Variants in RALGAPA1 observed in about 807,000 individuals in gnomAD.
RALGAPA1 encodes the protein ral GTPase-activating protein subunit alpha-1.
RALGAPA1 carries 52 observed loss-of-function variants against 269.6 expected under a neutral mutation model. The observed-to-expected ratio is 0.19, with a 90% CI of 0.15 to 0.24. RALGAPA1 has a LOEUF of 0.24. Ranked by LOEUF, RALGAPA1 falls within the 10% of genes least tolerant of loss-of-function variation. The probability of loss-of-function intolerance (pLI) is 1.00; values close to 1 mark genes in which losing one functional copy is unlikely to be tolerated. For synonymous variants in RALGAPA1, 817 were observed against 1,008.3 expected, an observed-to-expected ratio of 0.81 and a Z score of 3.60; for missense variants, 1,917 against 3,013.9, an observed-to-expected ratio of 0.64 and a Z score of 8.52.
intron 41 of RALGAPA1, among the ~76,000 whole-genome samples, chr14:35,540,365 T>C (rs954403529): frequency 1.3e-5 from 2 of 152,232 alleles, no homozygotes; most frequent in Non-Finnish European, 2.9e-5. Context: ...ACATAAACAA[T>C]GCTTTTGTTT....
intron 41 of RALGAPA1, among the ~76,000 whole-genome samples, chr14:35,543,698 A>G (rs1024636914): frequency 3.9e-5 from 6 of 152,230 alleles, no homozygotes; most frequent in African/African-American, 1.4e-4. Flanking sequence ...GCTGGAGTGC[A>G]GTGGCGCGAT....
In RALGAPA1 at chr14:35,563,020, C is replaced by CAAAAAAAAA. The variant is rs71445944; in HGVS notation, c.7496+7588_7496+7596dup. Among the ~76,000 whole-genome samples the CAAAAAAAAA allele has an allele frequency of 6.7e-4, 25 of 37,258 alleles. 1 individual carries two copies. Among genetic ancestry groups the CAAAAAAAAA allele is most frequent in the South Asian group, 2.5e-3 (1 of 400 alleles). 24.4% of individuals were successfully genotyped at this position (37,258 alleles called of 152,430 possible). On this transcript the variant is annotated intron_variant, in intron 39 of 41. Transcript: ENST00000680220. ...TGGGCAACAGAGCGAGAGTCCGTCTCAAAAAAAAAAAAAAAAAAAAAAAAA... is the reference window on the plus strand; with the variant it reads ...TGGGCAACAGAGCGAGAGTCCGTCTCAAAAAAAAAAAAAAAAAAAAAAAAAAAAAAAAAA...
In RALGAPA1 at chr14:35,760,987, C is replaced by T. The variant is rs776366011; in HGVS notation, c.389G>A (p.Arg130His). Residue 130 changes from arginine (R) to histidine (H), a missense_variant, in exon 6 of 42, where the codon CGT becomes CAT. Around this residue, in one of 11 missense-constraint regions of RALGAPA1, gnomAD observed 462 missense variants for 725.6 expected, o/e 0.64. Coordinates refer to ENST00000680220, the MANE Select transcript of RALGAPA1 (RefSeq NM_001346249.2). ...AGCTTGCAACCATAGTAAGAAAAGA[C>T]GAACACCTTCCCGCCTAATCTAAAA... ...NSLKIRREGV[R>H]LFLLWLQALQ... 6.2e-5 allele frequency: 99 copies of T among 1,597,358 alleles called. No individual in the cohort carries two copies. Among genetic ancestry groups the T allele is most frequent in the Non-Finnish European group, 7.8e-5 (91 of 1,171,190 alleles).
At position 35,750,568 on chromosome 14, in the gene RALGAPA1, G is replaced by C. The variant is rs1394298324; in HGVS notation, c.925C>G (p.Leu309Val). ...TTTGGCTCCAGCCAGAAAGAAACCA[G>C]CCAACGAATGACAATAACACGAGCC... ...IKARVIVIRW[L>V]VSFWLEPKPH... The change falls in exon 9 of 42, where the codon CTG becomes GTG. Residue 309 changes from leucine to valine, a missense_variant. Coordinates refer to ENST00000680220, the MANE Select transcript of RALGAPA1 (RefSeq NM_001346249.2). 6.2e-7 allele frequency: 1 copy of C among 1,613,028 alleles called. No homozygotes were observed.
intron 17 of RALGAPA1, among the ~76,000 whole-genome samples, chr14:35,697,293 C>T (rs1226976780): frequency 6.6e-6 from 1 of 152,094 alleles, no homozygotes; most frequent in African/African-American, 2.4e-5. Context: ...GTGTTCTGTG[C>T]TTAAATAAGT....
intron 17 of RALGAPA1, among the ~76,000 whole-genome samples, chr14:35,695,638 C>T (rs2066842710): frequency 6.6e-6 from 1 of 152,134 alleles, no homozygotes; most frequent in Admixed American, 6.5e-5. Context: ...AGCTTAATTT[C>T]AGGATGAGAA....
intron 39 of RALGAPA1, among the ~76,000 whole-genome samples, chr14:35,549,991 TCAC>T (rs1347995324): frequency 6.6e-6 from 1 of 152,204 alleles, no homozygotes. Context: ...TAGTTCCTTT[TCAC>T]CACATTTTCT....
At position 35,798,487 on chromosome 14, in the gene RALGAPA1, G is replaced by A. The variant is rs1245981748; in HGVS notation, c.106+10243C>T. Among the ~76,000 whole-genome samples, 3 of 152,172 alleles carry A rather than the reference G, an allele frequency of 2.0e-5. No individual in the cohort carries two copies. In the South Asian group the frequency reaches 6.2e-4, roughly 31 times the overall value. On this transcript the variant is annotated intron_variant, in intron 1 of 41. Coordinates refer to ENST00000680220, the MANE Select transcript of RALGAPA1 (RefSeq NM_001346249.2). Reference sequence around the variant, plus strand: ...CCGCCATGCCCAGCCTGTAAGAGAAGACTTGAAATGTTCCCAGCACAAATA... The same window carrying A: ...CCGCCATGCCCAGCCTGTAAGAGAAAACTTGAAATGTTCCCAGCACAAATA...
intron 35 of RALGAPA1, among the ~76,000 whole-genome samples, chr14:35,621,002 A>G (rs1275596137): frequency 6.6e-6 from 1 of 152,140 alleles, no homozygotes; most frequent in East Asian, 1.9e-4. Flanking sequence ...ACAGAATTGG[A>G]AAAAAACTGC....
chr14:35,569,193 C>T (rs2056959762), intron 39 of RALGAPA1, among the ~76,000 whole-genome samples: 2 of 152,100 alleles, frequency 1.3e-5, no homozygotes, highest in African/African-American at 4.8e-5. Context: ...ACGTGGTAAA[C>T]TACCAAGTTA....
intron 16 of RALGAPA1, among the ~76,000 whole-genome samples, chr14:35,711,842 C>T (rs1595262062): frequency 6.6e-6 from 1 of 152,172 alleles, no homozygotes; most frequent in East Asian, 1.9e-4. Context: ...ATTCCCAATT[C>T]CTCCTTCTCA....
intron 21 of RALGAPA1, among the ~76,000 whole-genome samples, chr14:35,680,964 C>T (rs1194783555): frequency 6.6e-6 from 1 of 151,864 alleles, no homozygotes; most frequent in East Asian, 1.9e-4. Context: ...GAGGCTTTTT[C>T]CTCTTGAACG....
In RALGAPA1 at chr14:35,690,244, T is replaced by C. The variant is rs1431381099; in HGVS notation, c.2408-241A>G. On this transcript the variant is annotated intron_variant, in intron 17 of 41. Transcript: ENST00000680220. ...ACACATTTTAAAATGTTAACATGCA[T>C]AGAAACAGACAGTGAGGTGATGAAA... Among the ~76,000 whole-genome samples the C allele has an allele frequency of 4.6e-5, 7 of 152,164 alleles. No individual in the cohort carries two copies. The East Asian group carries it at 1.3e-3, about 29-fold the overall frequency.
intron 39 of RALGAPA1, among the ~76,000 whole-genome samples, chr14:35,566,867 T>TTA (rs35308714): frequency 0.057 from 8,246 of 145,150 alleles, 641 homozygotes; most frequent in African/African-American, 0.17. Context: ...ACTTTGTACA[T>TTA]TATATATATA....
chr14:35,630,518 G>T (rs1014397303), intron 33 of RALGAPA1, among the ~76,000 whole-genome samples: 12 of 152,208 alleles, frequency 7.9e-5, no homozygotes, highest in Admixed American at 3.9e-4. Context: ...TTGACCCCAA[G>T]TGATCCACCA....
intron 39 of RALGAPA1, among the ~76,000 whole-genome samples, chr14:35,552,599 T>C (rs936412008): frequency 3.3e-5 from 5 of 151,882 alleles, no homozygotes; most frequent in Non-Finnish European, 7.4e-5. Context: ...CAAATCTAAG[T>C]TGAAGTAAGC....
intron 10 of RALGAPA1, among the ~76,000 whole-genome samples, chr14:35,748,048 G>C (rs1354346908): frequency 1.3e-5 from 2 of 152,004 alleles, no homozygotes; most frequent in Non-Finnish European, 2.9e-5. Flanking sequence ...TAGAGTGGAA[G>C]ATAAAATAAT....
intron 1 of RALGAPA1, among the ~76,000 whole-genome samples, chr14:35,794,142 G>A (rs1057283740): frequency 1.3e-5 from 2 of 152,074 alleles, no homozygotes; most frequent in African/African-American, 4.8e-5. Flanking sequence ...CTAATGTCAT[G>A]TATACAGGAT....
chr14:35,625,150 C>CAAAA (rs35013388), intron 35 of RALGAPA1, among the ~76,000 whole-genome samples: 8 of 59,898 alleles, frequency 1.3e-4, no homozygotes, highest in South Asian at 6.3e-4. Context: ...GACTCTGTCT[C>CAAAA]AAAAAAAAAA....
Sources: allele counts gnomAD v4.1 joint callset (sites outside exome capture counted in the v4.1 genomes callset), GRCh38; gene constraint gnomAD v4.1.1; regional missense constraint gnomAD v4.1.1; transcripts MANE v1.5; gene names NCBI Gene and HGNC (gene_info 2026-07-23, HGNC 2026-07-21).